The following ETV6 variants were observed in gnomAD, a reference collection of about 807,000 sequenced individuals.
ETV6 encodes ETS variant transcription factor 6.
ETV6 carries 16 observed loss-of-function variants against 51.1 expected under a neutral mutation model. That is an observed-to-expected ratio of 0.31 (90% CI 0.21 to 0.48). The LOEUF (loss-of-function observed/expected upper bound fraction) is 0.48. Ranked by LOEUF, ETV6 falls within the 20% of genes least tolerant of loss-of-function variation. The pLI is 0.99. For missense variants in ETV6, 458 were observed against 594.8 expected (o/e 0.77, Z 2.39); for synonymous variants, 240 against 224.1 (o/e 1.07, Z -0.64).
chr12:11,777,171 C>T (rs1324252976), intron 2 of ETV6, among the ~76,000 whole-genome samples: 12 of 133,192 alleles, frequency 9.0e-5, no homozygotes, highest in Admixed American at 2.8e-4. Flanking sequence ...ACCTGGGAGG[C>T]GGAGCTTGCA....
intron 2 of ETV6, among the ~76,000 whole-genome samples, chr12:11,813,198 A>G (rs1945940575): frequency 6.6e-6 from 1 of 152,206 alleles, no homozygotes; most frequent in Non-Finnish European, 1.5e-5. Flanking sequence ...CCTTCCATGG[A>G]GAGACTTGGA....
At chr12:11,866,246 T>C (rs892518545) in intron 4 of ETV6, among the ~76,000 whole-genome samples, 10 of 152,208 alleles carry the variant, frequency 6.6e-5, no homozygotes, top group Non-Finnish European at 1.2e-4. Context: ...TGTGTCATCA[T>C]TTATTACAAC....
At chr12:11,662,690 G>A (rs1317804895) in intron 1 of ETV6, among the ~76,000 whole-genome samples, 1 of 152,298 alleles carries the variant, frequency 6.6e-6, no homozygotes, top group Middle Eastern at 3.4e-3. Flanking sequence ...TTATTTGGGT[G>A]CACTTTTGGA....
intron 2 of ETV6, chr12:11,825,518 G>A (rs1206845033): frequency 1.3e-5 from 2 of 152,174 alleles, no homozygotes; most frequent in African/African-American, 4.8e-5. Flanking sequence ...CCTCTCCTCT[G>A]CGTCTCTCCT....
chr12:11,658,926 A>G (rs1864049653), intron 1 of ETV6, among the ~76,000 whole-genome samples: 1 of 152,236 alleles, frequency 6.6e-6, no homozygotes, highest in South Asian at 2.1e-4. Context: ...TCAGCGCTCA[A>G]GTATTTGAAC....
chr12:11,885,973 C>T lies in ETV6; in HGVS notation c.1200C>T (p.His400=). 6.2e-7 allele frequency: 1 copy of T among 1,614,074 alleles called. No homozygotes were observed. Among genetic ancestry groups the T allele is most frequent in the Non-Finnish European group, 8.5e-7 (1 of 1,179,940 alleles). The change falls in exon 7 of 8, where the codon CAC becomes CAT. Residue 400 remains histidine, a synonymous_variant. Coordinates refer to ENST00000396373, the MANE Select transcript of ETV6 (RefSeq NM_001987.5). ...AGAAAATGTCCAGAGCCCTGCGCCA[C>T]TACTACAAACTAAACATTATCAGGA... The part of the protein sequence containing the change: ...TYEKMSRALR[H]YYKLNIIRKE...
chr12:11,704,004 C>T (rs981162625), intron 1 of ETV6, among the ~76,000 whole-genome samples: 5 of 152,142 alleles, frequency 3.3e-5, no homozygotes, highest in East Asian at 1.9e-4. Flanking sequence ...CTAGTGGAGA[C>T]GATGAATTTT....
At chr12:11,843,360 T>C (rs1008236196) in intron 3 of ETV6, among the ~76,000 whole-genome samples, 2 of 152,236 alleles carry the variant, frequency 1.3e-5, no homozygotes, top group African/African-American at 4.8e-5. Context: ...ACATGGGCTT[T>C]CTCCTTTAGC....
intron 4 of ETV6, among the ~76,000 whole-genome samples, chr12:11,862,832 G>C (rs372356980): frequency 3.0e-4 from 45 of 152,326 alleles, no homozygotes; most frequent in African/African-American, 1.1e-3. Context: ...GGGCATAAGA[G>C]ACCGGGAGTG....
chr12:11,684,073 A>G (rs1013745947), intron 1 of ETV6, among the ~76,000 whole-genome samples: 4 of 152,268 alleles, frequency 2.6e-5, no homozygotes, highest in Admixed American at 2.0e-4. Flanking sequence ...GACTTCGACA[A>G]CTGAGAAAAA....
intron 3 of ETV6, 110 bp from the exon 4 acceptor site, chr12:11,853,317 G>C: frequency 1.6e-6 from 2 of 1,288,382 alleles, no homozygotes; most frequent in Non-Finnish European, 1.1e-6. Flanking sequence ...TGGCAGGTGC[G>C]CTCCAATTGT....
At chr12:11,677,032 T>C (rs955343815) in intron 1 of ETV6, among the ~76,000 whole-genome samples, 7 of 152,252 alleles carry the variant, frequency 4.6e-5, no homozygotes, top group Non-Finnish European at 1.0e-4. Context: ...AGTTGGAAAT[T>C]CAGAATATTA....
intron 1 of ETV6, among the ~76,000 whole-genome samples, chr12:11,737,305 G>A (rs1476752776): frequency 1.3e-5 from 2 of 152,210 alleles, no homozygotes; most frequent in Non-Finnish European, 2.9e-5. Context: ...GTCCATGGAT[G>A]GGGAGGGACC....
At chr12:11,829,071 GC>G (rs1946202938) in intron 2 of ETV6, among the ~76,000 whole-genome samples, 1 of 152,008 alleles carries the variant, frequency 6.6e-6, no homozygotes, top group South Asian at 2.1e-4. Context: ...CATTTTCCCA[GC>G]CTGCAAGATG....
At chr12:11,840,533 T>C in intron 3 of ETV6, 1 of 455,936 alleles carries the variant, frequency 2.2e-6, no homozygotes, top group East Asian at 6.9e-5. Context: ...CTAACTACGT[T>C]CAACCTTTAT....
Position 11,893,494 on chromosome 12 carries a change from C to T in ETV6, c.*2448C>T, listed in dbSNP as rs1485826236. 4.3e-6 allele frequency: 1 copy of T among 231,716 alleles called. No individual in the cohort carries two copies. The allele number at this position is 231,716 out of a possible 1,614,324, so 14.4% of individuals were successfully genotyped here. On this transcript the variant is annotated 3_prime_UTR_variant, in exon 8 of 8. Coordinates refer to ENST00000396373, the MANE Select transcript of ETV6 (RefSeq NM_001987.5). ...ACTTGAAGAAGAAATAGAAGGCGCT[C>T]ATTCCAATATAGTCTTTATTTCCCA...
Position 11,650,488 on chromosome 12 carries a change from A to AAAAAC in ETV6, c.33+332_33+333insCAAAA, listed in dbSNP as rs1565472647. On this transcript the variant is annotated intron_variant, in intron 1 of 7. Coordinates refer to ENST00000396373, the MANE Select transcript of ETV6 (RefSeq NM_001987.5). ...CCCCGTAATTAGTGCGCTTAAAAAA[A>AAAAAC]AAAAAAACAAAAAACAAAAAAAAAA... Among the ~76,000 whole-genome samples the AAAAAC allele has an allele frequency of 7.7e-5, 5 of 64,686 alleles. 1 individual carries two copies. Among genetic ancestry groups the AAAAAC allele is most frequent in the African/African-American group, 2.5e-4 (5 of 20,170 alleles). The allele number at this position is 64,686 out of a possible 152,430, so 42.4% of individuals were successfully genotyped here.
At chr12:11,680,917 T>G (rs561466198) in intron 1 of ETV6, among the ~76,000 whole-genome samples, 1 of 152,352 alleles carries the variant, frequency 6.6e-6, no homozygotes, top group Admixed American at 6.5e-5. Context: ...TTTCTGTTCT[T>G]TAAAATCTTC....
Position 11,891,454 on chromosome 12 carries a change from A to G in ETV6, c.*408A>G. The G allele has an allele frequency of 5.1e-6, 2 of 394,862 alleles. No homozygotes were observed. The highest frequency in any genetic ancestry group is 4.7e-6 in the Non-Finnish European group (1 of 212,810). The allele number at this position is 394,862 out of a possible 1,614,324, so 24.5% of individuals were successfully genotyped here. A position where few individuals can be genotyped will look rare whatever the true frequency, so the allele number is the denominator to read the frequency against. ...ATGTTGTTTTCCTATGGAAATATATATCTATTATATATATATTTTTTGCAA... is the reference window on the plus strand; with the variant it reads ...ATGTTGTTTTCCTATGGAAATATATGTCTATTATATATATATTTTTTGCAA... On this transcript the variant is annotated 3_prime_UTR_variant, in exon 8 of 8. Coordinates refer to ENST00000396373, the MANE Select transcript of ETV6 (RefSeq NM_001987.5).
Sources: allele counts gnomAD v4.1 joint callset (sites outside exome capture counted in the v4.1 genomes callset), GRCh38; gene constraint gnomAD v4.1.1; transcripts MANE v1.5; gene names NCBI Gene and HGNC (gene_info 2026-07-23, HGNC 2026-07-21).